Variants in TNRC6A observed in about 807,000 individuals in gnomAD.
The protein encoded by TNRC6A is trinucleotide repeat containing adaptor 6A.
A neutral mutation model predicts 221.2 loss-of-function variants in TNRC6A; 44 were observed. That is an observed-to-expected ratio of 0.20 (90% CI 0.16 to 0.26). TNRC6A has a LOEUF of 0.26. Among genes scored for constraint, TNRC6A ranks in the 10% least tolerant of loss-of-function variants. TNRC6A has a pLI of 1.00. For synonymous variants in TNRC6A, 847 were observed against 838.5 expected (o/e 1.01, Z -0.18); for missense variants, 2,199 against 2,404.4 (o/e 0.91, Z 1.79).
intron 1 of TNRC6A, among the ~76,000 whole-genome samples, chr16:24,614,018 C>T (rs1404748671): frequency 1.3e-5 from 2 of 152,234 alleles, no homozygotes; most frequent in African/African-American, 4.8e-5. Flanking sequence ...CATCTGGGCA[C>T]TGCTGCTGTC....
At chr16:24,686,399 C>T (rs1215488843) in intron 2 of TNRC6A, among the ~76,000 whole-genome samples, 1 of 152,280 alleles carries the variant, frequency 6.6e-6, no homozygotes, top group African/African-American at 2.4e-5. Context: ...TGTTATGCCC[C>T]ATTTTCTTTC....
intron 16 of TNRC6A, 59 bp from the exon 17 acceptor site, chr16:24,806,515 A>G: frequency 6.3e-7 from 1 of 1,583,750 alleles, no homozygotes; most frequent in Non-Finnish European, 8.7e-7. Flanking sequence ...AGGAATATGT[A>G]GTTTTCTGTA....
In TNRC6A at chr16:24,790,716, A is replaced by C. The variant is rs752085378; in HGVS notation, c.2074A>C (p.Ser692Arg). 7 of 1,614,224 alleles carry C rather than the reference A, an allele frequency of 4.3e-6. No individual in the cohort carries two copies. The Admixed American group carries it at 1.0e-4, about 23-fold the overall frequency. ...GGAAAAAGGAACTGGGGAAAGTCAG[A>C]GTAGAGACAGAAGAAAAATTGATCA... ...LEEKGTGESQ[S>R]RDRRKIDQHT... Residue 692 changes from serine to arginine, a missense_variant, in exon 6 of 25, where the codon AGT (serine) becomes CGT (arginine). Around this residue, in one of 8 missense-constraint regions of TNRC6A, gnomAD observed 1,405 missense variants for 1,400.2 expected, o/e 1.00. Coordinates refer to ENST00000395799, the MANE Select transcript of TNRC6A (RefSeq NM_014494.4).
chr16:24,641,505 G>A (rs1901950861), intron 2 of TNRC6A, among the ~76,000 whole-genome samples: 1 of 152,156 alleles, frequency 6.6e-6, no homozygotes, highest in African/African-American at 2.4e-5. Context: ...TTAGTGGTTG[G>A]TAAAGTTGGT....
At chr16:24,680,630 T>G (rs377249878) in intron 2 of TNRC6A, among the ~76,000 whole-genome samples, 1 of 148,838 alleles carries the variant, frequency 6.7e-6, no homozygotes, top group South Asian at 2.1e-4. Flanking sequence ...GGCGGAAGAA[T>G]CACTTGAACC....
chr16:24,649,816 CTTTTTTTTTTTTTTTTTT>C (rs35308503), intron 2 of TNRC6A, among the ~76,000 whole-genome samples: 1 of 78,894 alleles, frequency 1.3e-5, no homozygotes, highest in East Asian at 3.9e-4. Flanking sequence ...CTCTCTCTCT[CTTTTTTTTTTTTTTTTTT>C]TTTTTTTTTG....
intron 4 of TNRC6A, among the ~76,000 whole-genome samples, chr16:24,765,721 CAG>C (rs1179007148): frequency 1.3e-5 from 2 of 151,120 alleles, no homozygotes; most frequent in African/African-American, 4.9e-5. Flanking sequence ...TCTGCACTAA[CAG>C]AATGAAAAAA....
At chr16:24,709,603 C>T (rs531669144) in intron 2 of TNRC6A, among the ~76,000 whole-genome samples, 3 of 151,924 alleles carry the variant, frequency 2.0e-5, no homozygotes, top group Non-Finnish European at 4.4e-5. Flanking sequence ...GTAGGTGGAT[C>T]GCTTAGAGGC....
chr16:24,760,596 G>A (rs971034763), intron 4 of TNRC6A, among the ~76,000 whole-genome samples: 1 of 152,038 alleles, frequency 6.6e-6, no homozygotes, highest in Non-Finnish European at 1.5e-5. Flanking sequence ...TCATGAAAAT[G>A]TATTGTTTTA....
chr16:24,664,205 A>T (rs2055096269), intron 2 of TNRC6A, among the ~76,000 whole-genome samples: 1 of 151,820 alleles, frequency 6.6e-6, no homozygotes, highest in African/African-American at 2.4e-5. Context: ...GGTGGCGCTC[A>T]CCTGTGATCC....
chr16:24,679,475 G>A (rs1424785251), intron 2 of TNRC6A, among the ~76,000 whole-genome samples: 2 of 150,340 alleles, frequency 1.3e-5, no homozygotes, highest in Non-Finnish European at 3.0e-5. Context: ...GACTAATTTT[G>A]TTTTTTTTGT....
chr16:24,624,136 G>A (rs1007290523), intron 1 of TNRC6A, among the ~76,000 whole-genome samples: 1 of 152,114 alleles, frequency 6.6e-6, no homozygotes, highest in East Asian at 1.9e-4. Flanking sequence ...CTCGGGGTAA[G>A]TCCACTCCAT....
intron 2 of TNRC6A, among the ~76,000 whole-genome samples, chr16:24,701,229 G>A (rs757965934): frequency 1.3e-5 from 2 of 152,200 alleles, no homozygotes; most frequent in Non-Finnish European, 2.9e-5. Context: ...GAGGCTGCAG[G>A]GGACTGCAGG....
intron 2 of TNRC6A, among the ~76,000 whole-genome samples, chr16:24,667,741 T>G (rs1228099837): frequency 1.3e-5 from 2 of 152,196 alleles, no homozygotes; most frequent in Admixed American, 1.3e-4. Flanking sequence ...GTTCCACTGT[T>G]TAATATATTT....
intron 1 of TNRC6A, among the ~76,000 whole-genome samples, chr16:24,613,115 CAAAAAAAAAAAAA>C (rs553122873): frequency 2.7e-4 from 15 of 55,686 alleles, no homozygotes; most frequent in African/African-American, 7.2e-4. Flanking sequence ...GACTCTGTCT[CAAAAAAAAAAAAA>C]AAAAAAAAAA....
Position 24,723,654 on chromosome 16 carries a change from A to G in TNRC6A, n.403-27072A>G, listed in dbSNP as rs181657773. On this transcript the variant is annotated intron_variant and non_coding_transcript_variant, in intron 2 of 2. Coordinates refer to the TNRC6A transcript ENST00000566108. Reference sequence around the variant, plus strand: ...TGCTGGACAGAGTTAATTCCACAAAATGAGGAATTCCTCCCTCACTGGACA... The same window carrying G: ...TGCTGGACAGAGTTAATTCCACAAAGTGAGGAATTCCTCCCTCACTGGACA... Among the ~76,000 whole-genome samples, 17 of 152,206 alleles carry G rather than the reference A, an allele frequency of 1.1e-4. No homozygotes were observed. The East Asian group carries it at 3.3e-3, about 29-fold the overall frequency.
rs1555489502 is a variant in TNRC6A, at chr16:24,687,854, A to AAGAAGAAGAAGAAGAAGAAGAAGG, written n.402+46868_402+46869insGAGAAGAAGAAGAAGAAGAAGAAG. Among the ~76,000 whole-genome samples, 135 of 150,184 alleles carry AAGAAGAAGAAGAAGAAGAAGAAGG rather than the reference A, an allele frequency of 9.0e-4. 2 individuals are homozygous for AAGAAGAAGAAGAAGAAGAAGAAGG. Among genetic ancestry groups the AAGAAGAAGAAGAAGAAGAAGAAGG allele is most frequent in the African/African-American group, 3.1e-3 (128 of 41,072 alleles). On this transcript the variant is annotated intron_variant and non_coding_transcript_variant, in intron 2 of 2. Transcript: ENST00000566108. ...GAGGAAGAGGAAGAGGAAGAAGAAG[A>AAGAAGAAGAAGAAGAAGAAGAAGG]AGAAGAAGAAGAAGAAGAAGAAGAA...
chr16:24,808,809 A>G (rs797008936), intron 17 of TNRC6A, among the ~76,000 whole-genome samples: 3 of 152,186 alleles, frequency 2.0e-5, no homozygotes, highest in Admixed American at 6.5e-5. Flanking sequence ...GGTGATTCTA[A>G]TATTAATAGT....
intron 2 of TNRC6A, among the ~76,000 whole-genome samples, chr16:24,695,759 G>GT (rs2142165550): frequency 6.6e-6 from 1 of 152,238 alleles, no homozygotes; most frequent in African/African-American, 2.4e-5. Context: ...AAGCAAGTCT[G>GT]TTTCACGGGT....
Sources: gnomAD v4.1 joint callset for allele counts (sites outside exome capture counted in the v4.1 genomes callset) on GRCh38, gnomAD v4.1.1 for gene constraint, gnomAD v4.1.1 regional missense constraint, MANE v1.5 for transcripts, NCBI Gene and HGNC (gene_info 2026-07-23, HGNC 2026-07-21) for gene names.